DCAKD: variants seen among roughly 807,000 people sequenced by gnomAD.
DCAKD encodes the protein dephospho-CoA kinase domain containing.
A neutral mutation model predicts 18.7 loss-of-function variants in DCAKD; 15 were observed. That is an observed-to-expected ratio of 0.80 (90% CI 0.54 to 1.24). The LOEUF (loss-of-function observed/expected upper bound fraction) is 1.24. Among genes scored for constraint, DCAKD ranks in the 50% most tolerant of loss-of-function variants. The pLI is 0.00. For missense variants in DCAKD, 301 were observed against 322.0 expected, an observed-to-expected ratio of 0.93 and a Z score of 0.50; for synonymous variants, 130 against 133.0, an observed-to-expected ratio of 0.98 and a Z score of 0.16.
At chr17:45,044,697 A>C (rs61005827) in intron 1 of DCAKD, among the ~76,000 whole-genome samples, 33,677 of 77,246 alleles carry the variant, frequency 0.44, 4,543 homozygotes, top group African/African-American at 0.55. Context: ...ATCAATAAAT[A>C]AATAAATAAA....
At position 45,048,782 on chromosome 17, in the gene DCAKD, G is replaced by A. The variant is rs376917584; in HGVS notation, c.-115+2579C>T. Among the ~76,000 whole-genome samples, 14 of 152,058 alleles carry A rather than the reference G, an allele frequency of 9.2e-5. No homozygotes were observed. The South Asian group carries it at 1.7e-3, about 18-fold the overall frequency. ...GACTGCGCCACTGCACTCCAGCCTG[G>A]GTGACAGAGTGAGACAGACTCTGTC... On this transcript the variant is annotated intron_variant, in intron 1 of 4. Coordinates refer to ENST00000651974, the MANE Select transcript of DCAKD (RefSeq NM_001288655.2).
At chr17:45,056,496 C>G (rs2053781116), upstream of DCAKD, among the ~76,000 whole-genome samples, 2 of 151,904 alleles carry the variant, frequency 1.3e-5, no homozygotes, top group South Asian at 4.2e-4. Flanking sequence ...TTTCCCAAGA[C>G]AGAGTCTTGC....
At chr17:45,045,434 T>C (rs2053544595) in intron 1 of DCAKD, among the ~76,000 whole-genome samples, 1 of 152,170 alleles carries the variant, frequency 6.6e-6, no homozygotes, top group African/African-American at 2.4e-5. Context: ...AAATAGGCCC[T>C]TAAAAGATAC....
At chr17:45,048,762 C>T (rs765068824) in intron 1 of DCAKD, among the ~76,000 whole-genome samples, 2 of 150,208 alleles carry the variant, frequency 1.3e-5, no homozygotes, top group African/African-American at 4.9e-5. Flanking sequence ...GCCAAGACTG[C>T]GCCACTGCAC....
At chr17:45,034,481 T>G (rs2053245115) in intron 2 of DCAKD, 91 bp from the exon 3 acceptor site, 1 of 1,442,476 alleles carries the variant, frequency 6.9e-7, no homozygotes, top group Non-Finnish European at 9.5e-7. Context: ...ATGGGGGAAC[T>G]CGGGTGCTTC....
rs75404809 is a variant in DCAKD, at chr17:45,047,451, T to G, written c.-115+3910A>C. On this transcript the variant is annotated intron_variant, in intron 1 of 4. Transcript: ENST00000651974. ...GCATGCACCAACACGCCCGGCTAAT[T>G]TTTAAAAATTTTTTGTAGAGATGAG... 2.5e-3 allele frequency among the ~76,000 whole-genome samples: 383 copies of G among 151,860 alleles called. 7 individuals are homozygous for G. The highest frequency in any genetic ancestry group is 9.1e-3 in the African/African-American group (377 of 41,364).
upstream of DCAKD, among the ~76,000 whole-genome samples, chr17:45,055,362 GTTTATTTA>G (rs143325123): frequency 1.3e-4 from 20 of 149,802 alleles, no homozygotes; most frequent in Admixed American, 3.3e-4. Flanking sequence ...TTTTCTGTAC[GTTTATTTA>G]TTTATTTATT....
upstream of DCAKD, among the ~76,000 whole-genome samples, chr17:45,052,768 C>A (rs1310394037): frequency 6.6e-6 from 1 of 151,824 alleles, no homozygotes; most frequent in African/African-American, 2.4e-5. Context: ...GAGGCTGAGG[C>A]AGGAGGATGG....
chr17:45,030,545 C>T (rs1228691533), intron 3 of DCAKD, among the ~76,000 whole-genome samples: 1 of 152,190 alleles, frequency 6.6e-6, no homozygotes, highest in South Asian at 2.1e-4. Flanking sequence ...GGCCTCAGGC[C>T]GTGTGAGGCA....
intron 4 of DCAKD, among the ~76,000 whole-genome samples, chr17:45,028,112 C>A (rs1277737182): frequency 6.6e-6 from 1 of 150,898 alleles, no homozygotes; most frequent in Non-Finnish European, 1.5e-5. Flanking sequence ...ACTCTAAGAT[C>A]CTTTTTTTTT....
intron 1 of DCAKD, among the ~76,000 whole-genome samples, chr17:45,046,105 G>A (rs955233366): frequency 6.6e-6 from 1 of 152,104 alleles, no homozygotes; most frequent in African/African-American, 2.4e-5. Context: ...TAGGATTACA[G>A]GCGTGAGCCA....
At chr17:45,046,279 G>A (rs1406786467) in intron 1 of DCAKD, among the ~76,000 whole-genome samples, 1 of 152,176 alleles carries the variant, frequency 6.6e-6, no homozygotes, top group Admixed American at 6.5e-5. Context: ...CGGAACTAGA[G>A]TGTAAGAGCA....
At chr17:45,056,379 AG>A, upstream of DCAKD, among the ~76,000 whole-genome samples, 1 of 152,242 alleles carries the variant, frequency 6.6e-6, no homozygotes, top group East Asian at 1.9e-4. Context: ...CAAAGCTCAG[AG>A]GTTAAGTGAC....
chr17:45,052,701 AAAAAAAC>A (rs1399936545), upstream of DCAKD, among the ~76,000 whole-genome samples: 5 of 151,724 alleles, frequency 3.3e-5, no homozygotes, highest in South Asian at 2.1e-4. Context: ...TCTACAAAAA[AAAAAAAC>A]AAAAAACAAA....
At chr17:45,030,853 TA>T in intron 3 of DCAKD, 2 of 520,810 alleles carry the variant, frequency 3.8e-6, no homozygotes, top group Non-Finnish European at 4.9e-6. Context: ...CAGTTATGCC[TA>T]AAACTGTATT....
Position 45,034,870 on chromosome 17 carries a change from G to A in DCAKD, c.16C>T (p.Leu6=), listed in dbSNP as rs1223455823. 1 of 1,614,198 alleles carries A rather than the reference G, an allele frequency of 6.2e-7. No homozygotes were observed. The highest frequency in any genetic ancestry group is 1.7e-5 in the Admixed American group (1 of 60,018). The change falls in exon 2 of 5, where the codon CTG becomes TTG. Residue 6 remains leucine, a synonymous_variant. Coordinates refer to ENST00000651974, the MANE Select transcript of DCAKD (RefSeq NM_001288655.2). ...TTGCCTGAGGCAATGCCCCCTGTCA[G>A]GCCCACCAGAAACATCTTCCAGGAA... MFLVG[L]TGGIASGKSS...
intron 1 of DCAKD, among the ~76,000 whole-genome samples, chr17:45,056,969 A>G (rs1486236558): frequency 6.6e-6 from 1 of 150,434 alleles, no homozygotes; most frequent in African/African-American, 2.5e-5. Context: ...GGGTTTCACC[A>G]TGTTAGCCAG....
rs1240217910 is a variant in DCAKD at position 45,029,769 on chromosome 17, G to A, written c.404+323C>T. Among the ~76,000 whole-genome samples the A allele has an allele frequency of 2.0e-5, 3 of 152,112 alleles. No homozygotes were observed. In the East Asian group the frequency reaches 5.8e-4, roughly 29 times the overall value. On this transcript the variant is annotated intron_variant, in intron 4 of 4. Coordinates refer to ENST00000651974, the MANE Select transcript of DCAKD (RefSeq NM_001288655.2). The stretch of plus-strand genomic sequence containing the variant: ...AGGTAAACTGTGCAAAGTAATAAAG[G>A]TGCTACAGGAGGAAGAAGGAGCCAC...
intron 1 of DCAKD, among the ~76,000 whole-genome samples, chr17:45,058,219 G>A (rs989785682): frequency 2.0e-5 from 3 of 151,994 alleles, no homozygotes; most frequent in Admixed American, 1.3e-4. Context: ...GGAGGCTGAG[G>A]TGGCAGGATC....
Sources: gnomAD v4.1 joint callset for allele counts (sites outside exome capture counted in the v4.1 genomes callset) on GRCh38, gnomAD v4.1.1 for gene constraint, MANE v1.5 for transcripts, NCBI Gene and HGNC (gene_info 2026-07-23, HGNC 2026-07-21) for gene names.